Variants in ADHFE1 observed in about 807,000 individuals in gnomAD.
The protein encoded by ADHFE1 is alcohol dehydrogenase iron containing 1, also known as hydroxyacid-oxoacid transhydrogenase, mitochondrial.
In ADHFE1, 37 loss-of-function variants were observed where a neutral mutation model predicts 54.8. The observed-to-expected ratio is 0.68, with a 90% CI of 0.52 to 0.89. The LOEUF (loss-of-function observed/expected upper bound fraction) is 0.89. Ranked by LOEUF, ADHFE1 falls within the 40% of genes least tolerant of loss-of-function variation. The pLI is 0.00. For missense variants in ADHFE1, 601 were observed against 591.2 expected, an observed-to-expected ratio of 1.02 and a Z score of -0.17; for synonymous variants, 203 against 229.3, an observed-to-expected ratio of 0.89 and a Z score of 1.04.
At position 66,439,186 on chromosome 8, in the gene ADHFE1, A is replaced by C; in HGVS notation, c.60-976A>C. 1 of 985,254 alleles carries C rather than the reference A, an allele frequency of 1.0e-6. No homozygotes were observed. The highest frequency in any genetic ancestry group is 1.2e-6 in the Non-Finnish European group (1 of 829,846). 61.0% of individuals were successfully genotyped at this position (985,254 alleles called of 1,614,324 possible). Reference sequence around the variant, plus strand: ...TGAGATCTGGACGGCCACTGAGATCAACCCTTTTCCTTCCTCCCCAACCTT... The same window carrying C: ...TGAGATCTGGACGGCCACTGAGATCCACCCTTTTCCTTCCTCCCCAACCTT... On this transcript the variant is annotated intron_variant, in intron 1 of 13. Transcript: ENST00000396623. The surrounding 1 kb of genome is among the most constrained non-coding windows in gnomAD (Gnocchi z 4.4).
chr8:66,457,642 T>C (rs1263213163), intron 12 of ADHFE1, among the ~76,000 whole-genome samples: 1 of 152,100 alleles, frequency 6.6e-6, no homozygotes, highest in Non-Finnish European at 1.5e-5. Context: ...CTGGGCAACA[T>C]AGTGAGATCC....
At chr8:66,442,517 T>G (rs976631025) in intron 2 of ADHFE1, among the ~76,000 whole-genome samples, 8 of 152,044 alleles carry the variant, frequency 5.3e-5, no homozygotes, top group Admixed American at 1.3e-4. Flanking sequence ...TCTACCATGT[T>G]AGCCAGGATG....
Position 66,444,708 on chromosome 8 carries a change from A to T in ADHFE1, c.313A>T (p.Thr105Ser). ...DSLVKNGIPF[T>S]VYDNVRVEPT... Reference sequence around the variant, plus strand: ...CCTAGTGAAGAATGGCATCCCCTTTACGGTTTATGATAATGTGAGAGTGGA... The same window carrying T: ...CCTAGTGAAGAATGGCATCCCCTTTTCGGTTTATGATAATGTGAGAGTGGA... Residue 105 changes from threonine (T) to serine (S), a missense_variant, in exon 5 of 14, where the codon ACG becomes TCG. Thr to Ser is a moderately conservative substitution (Grantham distance 58). Coordinates refer to ENST00000396623, the MANE Select transcript of ADHFE1 (RefSeq NM_144650.3). 1.2e-6 allele frequency: 2 copies of T among 1,614,122 alleles called. No homozygotes were observed. Among genetic ancestry groups the T allele is most frequent in the Non-Finnish European group, 1.7e-6 (2 of 1,180,012 alleles).
In ADHFE1 at chr8:66,439,841, AC is replaced by A; in HGVS notation, c.60-319del. ...CAGTAAGAGCTGGGGCTTCATGGAG[AC>A]CAGAGACCCCCATCTTAAACTTGCA... is the stretch of plus-strand genomic sequence containing the variant. On this transcript the variant is annotated intron_variant, in intron 1 of 13. Transcript: ENST00000396623. The surrounding 1 kb of genome is among the most constrained non-coding windows in gnomAD (Gnocchi z 4.4). 1 of 1,024,526 alleles carries A rather than the reference AC, an allele frequency of 9.8e-7. No homozygotes were observed. Among genetic ancestry groups the A allele is most frequent in the Non-Finnish European group, 1.2e-6 (1 of 814,946 alleles). 63.5% of individuals were successfully genotyped at this position (1,024,526 alleles called of 1,614,324 possible).
At chr8:66,432,766 CAG>C (rs1805269669) in intron 1 of ADHFE1, 191 bp downstream of exon 1, 61 of 1,230,410 alleles carry the variant, frequency 5.0e-5, no homozygotes, top group Non-Finnish European at 6.1e-5. Context: ...TGCAGCCTCT[CAG>C]GGCGCAGTGA....
chr8:66,460,034 G>T, intron 12 of ADHFE1: 1 of 400,532 alleles, frequency 2.5e-6, no homozygotes, highest in Non-Finnish European at 4.5e-6. Flanking sequence ...CGACTTTCTT[G>T]CCTTGTTCTG....
chr8:66,454,570 T>C (rs1806472791), intron 10 of ADHFE1, among the ~76,000 whole-genome samples: 1 of 152,228 alleles, frequency 6.6e-6, no homozygotes, highest in Non-Finnish European at 1.5e-5. Context: ...TAGTTTCTAA[T>C]ATATTCACAA....
In ADHFE1 at chr8:66,432,529, G is replaced by A. The variant is rs781379422; in HGVS notation, c.13G>A (p.Ala5Thr). 2.9e-6 allele frequency: 4 copies of A among 1,360,728 alleles called. No homozygotes were observed. Among genetic ancestry groups the A allele is most frequent in the Non-Finnish European group, 2.9e-6 (3 of 1,046,242 alleles). 84.3% of individuals were successfully genotyped at this position (1,360,728 alleles called of 1,614,324 possible). ...GACTCCAAGCGCCATGGCCGCTGCC[G>A]CCCGAGCCCGGGTCGCGTACTTGCT... MAAA[A>T]RARVAYLLRQ... The change falls in exon 1 of 14, where the codon GCC (alanine) becomes ACC (threonine). Residue 5 changes from alanine to threonine, a missense_variant. Ala to Thr is a moderately conservative substitution (Grantham distance 58). Transcript: ENST00000396623.
At chr8:66,454,231 A>G (rs1264328415) in intron 10 of ADHFE1, 74 bp downstream of exon 10, 1 of 1,449,802 alleles carries the variant, frequency 6.9e-7, no homozygotes, top group Admixed American at 1.9e-5. Flanking sequence ...ATAATTCAGG[A>G]CAGGTGGTAA....
In ADHFE1 at chr8:66,443,264, A is replaced by ATTTT. The variant is rs540464621; in HGVS notation, c.144+449_144+452dup. Among the ~76,000 whole-genome samples, 55 of 86,086 alleles carry ATTTT rather than the reference A, an allele frequency of 6.4e-4. 4 individuals are homozygous for ATTTT. The highest frequency in any genetic ancestry group is 1.1e-3 in the African/African-American group (27 of 24,148). The allele number at this position is 86,086 out of a possible 152,430, so 56.5% of individuals were successfully genotyped here. Reference sequence around the variant, plus strand: ...GTCCCTGTCTCCTCCTAGTCCAGGAATTTTTTTTTTTTTTTTTTTTTTTTT... The same window carrying ATTTT: ...GTCCCTGTCTCCTCCTAGTCCAGGAATTTTTTTTTTTTTTTTTTTTTTTTTTTTT... On this transcript the variant is annotated intron_variant, in intron 3 of 13. Coordinates refer to ENST00000396623, the MANE Select transcript of ADHFE1 (RefSeq NM_144650.3).
At chr8:66,438,448 C>G (rs1020842970) in intron 1 of ADHFE1, among the ~76,000 whole-genome samples, 8 of 152,096 alleles carry the variant, frequency 5.3e-5, no homozygotes, top group African/African-American at 1.9e-4. Context: ...GAAGCCCAGA[C>G]AAGTAGGGGT....
intron 9 of ADHFE1, among the ~76,000 whole-genome samples, chr8:66,452,819 G>C (rs1190832652): frequency 6.6e-6 from 1 of 152,214 alleles, no homozygotes; most frequent in African/African-American, 2.4e-5. Context: ...CAGGTCCTGA[G>C]ACAGCAAAGA....
chr8:66,457,792 C>T (rs1806671743), intron 12 of ADHFE1, among the ~76,000 whole-genome samples: 1 of 148,886 alleles, frequency 6.7e-6, no homozygotes. Context: ...ATACTGTTTC[C>T]TGTTTTTATC....
rs573403491 is a variant in ADHFE1 at position 66,456,019 on chromosome 8, A to G, written c.987-798A>G. Among the ~76,000 whole-genome samples, 58 of 152,178 alleles carry G rather than the reference A, an allele frequency of 3.8e-4. 1 individual carries two copies. In the South Asian group the frequency reaches 0.012, roughly 32 times the overall value. ...TCAATAGTTCAAGAGGATATAAAAAATTTTTCACTAAGCGTGGTGGCTGGA... is the reference window on the plus strand; with the variant it reads ...TCAATAGTTCAAGAGGATATAAAAAGTTTTTCACTAAGCGTGGTGGCTGGA... On this transcript the variant is annotated intron_variant, in intron 10 of 13. Coordinates refer to ENST00000396623, the MANE Select transcript of ADHFE1 (RefSeq NM_144650.3).
chr8:66,447,293 A>G lies in ADHFE1; in HGVS notation c.580A>G (p.Thr194Ala), dbSNP rs1412809608. 2 of 1,613,508 alleles carry G rather than the reference A, an allele frequency of 1.2e-6. No homozygotes were observed. The highest frequency in any genetic ancestry group is 1.7e-6 in the Non-Finnish European group (2 of 1,179,678). Residue 194 changes from threonine (T) to alanine (A), a missense_variant, in exon 7 of 14, where the codon ACT becomes GCT. Thr to Ala is a moderately conservative substitution (Grantham distance 58). Coordinates refer to ENST00000396623, the MANE Select transcript of ADHFE1 (RefSeq NM_144650.3). ...AACTACCTCAGGAACCGGGAGTGAAACTACTGGGGTTGCCATTTTTGACTA... is the reference window on the plus strand; with the variant it reads ...AACTACCTCAGGAACCGGGAGTGAAGCTACTGGGGTTGCCATTTTTGACTA... ...VPTTSGTGSE[T>A]TGVAIFDYEH...
chr8:66,433,580 C>A (rs995511952), intron 1 of ADHFE1, among the ~76,000 whole-genome samples: 2 of 147,772 alleles, frequency 1.4e-5, no homozygotes, highest in Non-Finnish European at 2.9e-5. Flanking sequence ...CACAGCTAAG[C>A]AAATGGCACA....
rs1806217365 is a variant in ADHFE1 at position 66,449,967 on chromosome 8, T to C, written c.734+997T>C. On this transcript the variant is annotated intron_variant, in intron 8 of 13. Coordinates refer to ENST00000396623, the MANE Select transcript of ADHFE1 (RefSeq NM_144650.3). ...CACCTCATCTCCACAAAAAAAAGTT[T>C]TACAAATTAGTCAAGCATGGTGGCA... Among the ~76,000 whole-genome samples, 2 of 152,138 alleles carry C rather than the reference T, an allele frequency of 1.3e-5. 1 individual carries two copies. The highest frequency in any genetic ancestry group is 4.1e-4 in the South Asian group (2 of 4,822).
intron 7 of ADHFE1, 104 bp from the exon 8 acceptor site, chr8:66,448,761 T>G: frequency 9.6e-7 from 1 of 1,045,784 alleles, no homozygotes; most frequent in Non-Finnish European, 1.4e-6. Flanking sequence ...AATGAACCTT[T>G]TCTCATATTT....
In ADHFE1 at chr8:66,439,475, A is replaced by T; in HGVS notation, c.60-687A>T. 2 of 986,036 alleles carry T rather than the reference A, an allele frequency of 2.0e-6. No homozygotes were observed. The highest frequency in any genetic ancestry group is 2.4e-6 in the Non-Finnish European group (2 of 830,332). 61.1% of individuals were successfully genotyped at this position (986,036 alleles called of 1,614,324 possible). A position where few individuals can be genotyped will look rare whatever the true frequency, so the allele number is the denominator to read the frequency against. ...GGAGGGAGGGTTTCCAAAAAGGAGGACGTGGGAAATCTGTAGAGAAGTCGA... is the reference window on the plus strand; with the variant it reads ...GGAGGGAGGGTTTCCAAAAAGGAGGTCGTGGGAAATCTGTAGAGAAGTCGA... On this transcript the variant is annotated intron_variant, in intron 1 of 13. Coordinates refer to ENST00000396623, the MANE Select transcript of ADHFE1 (RefSeq NM_144650.3). This position sits in a 1 kb window ranked among gnomAD's most constrained non-coding sequence, Gnocchi z 4.4.
Sources: allele counts gnomAD v4.1 joint callset (sites outside exome capture counted in the v4.1 genomes callset), GRCh38; gene constraint gnomAD v4.1.1; non-coding constraint Gnocchi (gnomAD v3.1); transcripts MANE v1.5; gene names NCBI Gene and HGNC (gene_info 2026-07-23, HGNC 2026-07-21).